ARSA: variants seen among roughly 807,000 people sequenced by gnomAD.
ARSA encodes cerebroside-sulfatase.
Under a neutral mutation model 37.8 loss-of-function variants are expected in ARSA, and 32 were observed. The observed-to-expected ratio is 0.85, with a 90% CI of 0.64 to 1.14. The LOEUF (loss-of-function observed/expected upper bound fraction) is 1.14, where lower values mean the gene tolerates loss of function less well. ARSA is among the 50% of genes most tolerant of loss of function. ARSA has a pLI of 0.00. For missense variants in ARSA, 685 were observed against 686.3 expected (o/e 1.00, Z 0.02); for synonymous variants, 303 against 303.4 (o/e 1.00, Z 0.01).
rs565093599 is a variant in ARSA at position 50,624,666 on chromosome 22, G to C, written c.*479C>G. Among the ~76,000 whole-genome samples, 13 of 152,270 alleles carry C rather than the reference G, an allele frequency of 8.5e-5. No individual in the cohort carries two copies. In the East Asian group the frequency reaches 2.5e-3, roughly 29 times the overall value. Reference sequence around the variant, plus strand: ...CTGTGTCTCTAAGAATGCTTCTTCTGGGGGAATATCCCGTCTCTCTCAGGC... The same window carrying C: ...CTGTGTCTCTAAGAATGCTTCTTCTCGGGGAATATCCCGTCTCTCTCAGGC... On this transcript the variant is annotated 3_prime_UTR_variant, in exon 8 of 8. Coordinates refer to ENST00000216124, the MANE Select transcript of ARSA (RefSeq NM_000487.6).
Position 50,627,959 on chromosome 22 carries a change from G to T in ARSA, c.-180C>A. 1.6e-6 allele frequency: 1 copy of T among 627,414 alleles called. No homozygotes were observed. Among genetic ancestry groups the T allele is most frequent in the Non-Finnish European group, 2.8e-6 (1 of 362,650 alleles). The allele number at this position is 627,414 out of a possible 1,614,324, so 38.9% of individuals were successfully genotyped here. Reference sequence around the variant, plus strand: ...GCCCGACAGTACCGGGAGACCGCGGGCTGGGACGGAACTCCTCCAGGACCA... The same window carrying T: ...GCCCGACAGTACCGGGAGACCGCGGTCTGGGACGGAACTCCTCCAGGACCA... On this transcript the variant is annotated 5_prime_UTR_variant, in exon 1 of 8. Transcript: ENST00000216124.
rs199476384 is a variant in ARSA at position 50,626,699 on chromosome 22, A to G, written c.746T>C (p.Phe249Ser). 4.3e-6 allele frequency: 7 copies of G among 1,614,104 alleles called. No individual in the cohort carries two copies. The highest frequency in any genetic ancestry group is 1.3e-5 in the African/African-American group (1 of 75,050). The change falls in exon 4 of 8, where the codon TTT (phenylalanine) becomes TCT (serine). Residue 249 changes from phenylalanine (F) to serine (S), a missense_variant. Coordinates refer to ENST00000216124, the MANE Select transcript of ARSA (RefSeq NM_000487.6). ...SFAERSGRGP[F>S]GDSLMELDAA... The stretch of plus-strand genomic sequence containing the variant: ...ATCCAGCTCCATCAGGGAGTCCCCA[A>G]ATGGCCCGCGGCCTGAACGCTCTGC...
Position 50,625,049 on chromosome 22 carries a change from T to C in ARSA, c.*96A>G, listed in dbSNP as rs6151429. 0.073 allele frequency: 98,121 copies of C among 1,343,902 alleles called. 4,090 individuals are homozygous for C. Among genetic ancestry groups the C allele is most frequent in the Middle Eastern group, 0.13 (490 of 3,762 alleles). The allele number at this position is 1,343,902 out of a possible 1,614,324, so 83.2% of individuals were successfully genotyped here. A position where few individuals can be genotyped will look rare whatever the true frequency, so the allele number is the denominator to read the frequency against. On this transcript the variant is annotated 3_prime_UTR_variant, in exon 8 of 8. Transcript: ENST00000216124. ...CATCTGCAAGTCTCCACTGGTGTTA[T>C]TACGTTATCAGGCACAAACCCCCTC...
At position 50,628,134 on chromosome 22, in the gene ARSA, C is replaced by G. The variant is rs886057661; in HGVS notation, c.-355G>C. 2 of 197,336 alleles carry G rather than the reference C, an allele frequency of 1.0e-5. No individual in the cohort carries two copies. The highest frequency in any genetic ancestry group is 2.6e-4 in the East Asian group (2 of 7,604). 12.2% of individuals were successfully genotyped at this position (197,336 alleles called of 1,614,324 possible). On this transcript the variant is annotated 5_prime_UTR_variant, in exon 1 of 8. Transcript: ENST00000216124. ...GAGCCCAGGAGGAGCCGGTACCGGG[C>G]TGCGGGCGCTTCCGCCTCGGCCCCG...
Position 50,625,051 on chromosome 22 carries a change from A to C in ARSA, c.*94T>G. The stretch of plus-strand genomic sequence containing the variant: ...TCTGCAAGTCTCCACTGGTGTTATT[A>C]CGTTATCAGGCACAAACCCCCTCCA... On this transcript the variant is annotated 3_prime_UTR_variant, in exon 8 of 8. Coordinates refer to ENST00000216124, the MANE Select transcript of ARSA (RefSeq NM_000487.6). The C allele has an allele frequency of 6.7e-6, 9 of 1,351,240 alleles. No homozygotes were observed. Among genetic ancestry groups the C allele is most frequent in the Non-Finnish European group, 7.8e-6 (8 of 1,021,994 alleles). The allele number at this position is 1,351,240 out of a possible 1,614,324, so 83.7% of individuals were successfully genotyped here.
chr22:50,627,946 CG>C lies in ARSA; in HGVS notation c.-168del. The C allele has an allele frequency of 4.6e-6, 3 of 648,924 alleles. No individual in the cohort carries two copies. 40.2% of individuals were successfully genotyped at this position (648,924 alleles called of 1,614,324 possible). Reference sequence around the variant, plus strand: ...CCAGAGGGCCGGGGCCCGACAGTACCGGGAGACCGCGGGCTGGGACGGAACT... The same window carrying C: ...CCAGAGGGCCGGGGCCCGACAGTACCGGAGACCGCGGGCTGGGACGGAACT... On this transcript the variant is annotated 5_prime_UTR_variant, in exon 1 of 8. Coordinates refer to ENST00000216124, the MANE Select transcript of ARSA (RefSeq NM_000487.6).
In ARSA at chr22:50,627,355, G is replaced by A. The variant is rs978006787; in HGVS notation, c.276C>T (p.Gly92=). ...RLPVRMGMYP[G]VLVPSSRGGL... ...CCCCCCGGGAGCTGGGCACCAGGAC[G>A]CCAGGGTACATGCCCATCCGAACCG... The change falls in exon 2 of 8, where the codon GGC becomes GGT. Residue 92 remains glycine (G), a synonymous_variant. Transcript: ENST00000216124. 2 of 1,599,736 alleles carry A rather than the reference G, an allele frequency of 1.3e-6. No homozygotes were observed. Among genetic ancestry groups the A allele is most frequent in the Non-Finnish European group, 8.5e-7 (1 of 1,174,878 alleles).
At position 50,625,318 on chromosome 22, in the gene ARSA, C is replaced by G. The variant is rs2082644466; in HGVS notation, c.1357G>C (p.Glu453Gln). ...LLGGVAGATP[E>Q]VLQALKQLQL... ...AGCTGTTTCAGGGCTTGCAGCACCTCTGGGGTGGCCCCGGCCACACCCCCC... is the reference window on the plus strand; with the variant it reads ...AGCTGTTTCAGGGCTTGCAGCACCTGTGGGGTGGCCCCGGCCACACCCCCC... Residue 453 changes from glutamate to glutamine, a missense_variant, in exon 8 of 8, where the codon GAG becomes CAG. By Grantham distance (29) the Glu-to-Gln change is conservative. Transcript: ENST00000216124. The G allele has an allele frequency of 6.2e-7, 1 of 1,612,796 alleles. No individual in the cohort carries two copies. The highest frequency in any genetic ancestry group is 8.5e-7 in the Non-Finnish European group (1 of 1,179,770).
chr22:50,627,510 A>T, intron 1 of ARSA, 46 bp downstream of exon 1: 1 of 1,576,304 alleles, frequency 6.3e-7, no homozygotes, highest in Non-Finnish European at 8.6e-7. Flanking sequence ...TTGGGAGGAA[A>T]GGGATGGAGG....
At position 50,627,695 on chromosome 22, in the gene ARSA, A is replaced by G; in HGVS notation, c.85T>C (p.Phe29Leu). ...TCCCCATAGCCGAGGTCGTCGGCAA[A>G]GATCAGCACGATGTTGGGCGGACGG... ...VARPPNIVLI[F>L]ADDLGYGDLG... Residue 29 changes from phenylalanine to leucine, a missense_variant, in exon 1 of 8, where the codon TTT (phenylalanine) becomes CTT (leucine). Transcript: ENST00000216124. The G allele has an allele frequency of 1.9e-6, 3 of 1,556,680 alleles. No individual in the cohort carries two copies. The highest frequency in any genetic ancestry group is 2.6e-6 in the Non-Finnish European group (3 of 1,149,982).
chr22:50,627,113 G>T, intron 2 of ARSA, 53 bp downstream of exon 2: 1 of 1,596,514 alleles, frequency 6.3e-7, no homozygotes, highest in Non-Finnish European at 8.6e-7. Flanking sequence ...AGCATCAAGG[G>T]CTGGGGGACT....
In ARSA at chr22:50,626,002, C is replaced by T. The variant is rs1346784797; in HGVS notation, c.1041G>A (p.Gly347=). The T allele has an allele frequency of 6.3e-7, 1 of 1,578,786 alleles. No homozygotes were observed. Among genetic ancestry groups the T allele is most frequent in the East Asian group, 2.3e-5 (1 of 43,808 alleles). The change falls in exon 6 of 8, where the codon GGG becomes GGA. Residue 347 remains glycine (G), a synonymous_variant. Coordinates refer to ENST00000216124, the MANE Select transcript of ARSA (RefSeq NM_000487.6). ...CCAAGGTGACATTGGGCAGTGGGGC[C>T]CCAGCCAGGGCTGCCAGGGTAGGCA... ...DLLPTLAALA[G]APLPNVTLDG... is the part of the protein sequence containing the mutation.
Position 50,625,604 on chromosome 22 carries a change from C to G in ARSA, c.1185G>C (p.Lys395Asn). 2 of 1,613,634 alleles carry G rather than the reference C, an allele frequency of 1.2e-6. No individual in the cohort carries two copies. The highest frequency in any genetic ancestry group is 1.1e-5 in the South Asian group (1 of 91,080). Residue 395 changes from lysine to asparagine, a missense_variant, in exon 7 of 8, where the codon AAG becomes AAC. Coordinates refer to ENST00000216124, the MANE Select transcript of ARSA (RefSeq NM_000487.6). The part of the protein sequence containing the change: ...VRGVFAVRTG[K>N]YKAHFFTQGS... ...CCTGGGTGAAGAAGTGAGCCTTGTA[C>G]TTTCCAGTCCGCACAGCAAAAACCC...
At position 50,626,619 on chromosome 22, in the gene ARSA, T is replaced by A. The variant is rs140966324; in HGVS notation, c.826A>T (p.Thr276Ser). Residue 276 changes from threonine to serine, a missense_variant, in exon 4 of 8, where the codon ACG (threonine) becomes TCG (serine). By Grantham distance (58) the Thr-to-Ser change is moderately conservative (BLOSUM62 1). Coordinates refer to ENST00000216124, the MANE Select transcript of ARSA (RefSeq NM_000487.6). ...AIGDLGLLEE[T>S]LVIFTADNGP... Reference sequence around the variant, plus strand: ...TTGTCTGCAGTGAAGATGACCAGCGTCTCTTCAAGCAGCCCCAGGTCCCCT... The same window carrying A: ...TTGTCTGCAGTGAAGATGACCAGCGACTCTTCAAGCAGCCCCAGGTCCCCT... 6.9e-5 allele frequency: 112 copies of A among 1,613,756 alleles called. No individual in the cohort carries two copies. The highest frequency in any genetic ancestry group is 8.9e-5 in the Non-Finnish European group (105 of 1,180,026).
Position 50,625,096 on chromosome 22 carries a change from C to T in ARSA, c.*49G>A. 2 of 1,464,166 alleles carry T rather than the reference C, an allele frequency of 1.4e-6. No individual in the cohort carries two copies. The highest frequency in any genetic ancestry group is 1.8e-6 in the Non-Finnish European group (2 of 1,108,478). 90.7% of individuals were successfully genotyped at this position (1,464,166 alleles called of 1,614,324 possible). ...CCTCCAGACACCTGAGCCTCCCCCA[C>T]AGGCTCCCAGTGAGGAGCCATCACA... On this transcript the variant is annotated 3_prime_UTR_variant, in exon 8 of 8. Coordinates refer to ENST00000216124, the MANE Select transcript of ARSA (RefSeq NM_000487.6).
rs1234853780 is a variant in ARSA at position 50,622,849 on chromosome 22, G to C, written c.*2296C>G. On this transcript the variant is annotated 3_prime_UTR_variant, in exon 8 of 8. Transcript: ENST00000216124. The stretch of plus-strand genomic sequence containing the variant: ...TAGCAGCTGCCCAGTGTCCAATCAG[G>C]GCCTGTGACGGCTGCGCAAGGTCCT... 2 of 152,226 alleles carry C rather than the reference G, an allele frequency of 1.3e-5. No individual in the cohort carries two copies. The highest frequency in any genetic ancestry group is 2.9e-5 in the Non-Finnish European group (2 of 68,084). 9.4% of individuals were successfully genotyped at this position (152,226 alleles called of 1,614,324 possible). A position where few individuals can be genotyped will look rare whatever the true frequency, so the allele number is the denominator to read the frequency against.
chr22:50,625,502 G>A (rs373961176), intron 7 of ARSA, 38 bp from the exon 8 acceptor site: 18 of 1,611,908 alleles, frequency 1.1e-5, no homozygotes, highest in Admixed American at 6.7e-5. Flanking sequence ...GGGCAAGGGC[G>A]AGAGGAGGGG....
Position 50,623,898 on chromosome 22 carries a change from CAAAAAAAA to C in ARSA, c.*1239_*1246del, listed in dbSNP as rs131716. 1 of 141,750 alleles carries C rather than the reference CAAAAAAAA, an allele frequency of 7.1e-6. No individual in the cohort carries two copies. The allele number at this position is 141,750 out of a possible 1,614,324, so 8.8% of individuals were successfully genotyped here. ...TGGGCGACAGAGCGAGACTCCGTCT[CAAAAAAAA>C]AAAAAAAAAAAAAAAAAAAAAAAAA... On this transcript the variant is annotated 3_prime_UTR_variant, in exon 8 of 8. Coordinates refer to ENST00000216124, the MANE Select transcript of ARSA (RefSeq NM_000487.6).
In ARSA at chr22:50,624,408, G is replaced by A. The variant is rs911018499; in HGVS notation, c.*737C>T. 5.3e-5 allele frequency among the ~76,000 whole-genome samples: 8 copies of A among 152,194 alleles called. No individual in the cohort carries two copies. The highest frequency in any genetic ancestry group is 1.0e-4 in the Non-Finnish European group (7 of 68,042). On this transcript the variant is annotated 3_prime_UTR_variant, in exon 8 of 8. Coordinates refer to ENST00000216124, the MANE Select transcript of ARSA (RefSeq NM_000487.6). ...TAAGAGATCACTTTGTCTGCTGGGTGGAGAATCGTTAGTAGTGGGTCAAAA... is the reference window on the plus strand; with the variant it reads ...TAAGAGATCACTTTGTCTGCTGGGTAGAGAATCGTTAGTAGTGGGTCAAAA...
Sources: gnomAD v4.1 joint callset for allele counts (sites outside exome capture counted in the v4.1 genomes callset) on GRCh38, gnomAD v4.1.1 for gene constraint, MANE v1.5 for transcripts, NCBI Gene and HGNC (gene_info 2026-07-23, HGNC 2026-07-21) for gene names.